ABCA8: variants seen among roughly 807,000 people sequenced by gnomAD.
ABCA8 encodes the protein ABC-type organic anion transporter ABCA8.
In ABCA8, 177 loss-of-function variants were observed where a neutral mutation model predicts 192.3. The ratio of observed to expected loss-of-function variants is 0.92; its 90% CI spans 0.81 to 1.04. The LOEUF (loss-of-function observed/expected upper bound fraction) is 1.04, where lower values mean the gene tolerates loss of function less well. Among genes scored for constraint, ABCA8 ranks in the 50% least tolerant of loss-of-function variants. The probability of loss-of-function intolerance (pLI) is 0.00; values close to 1 mark genes in which losing one functional copy is unlikely to be tolerated. For synonymous variants in ABCA8, 642 were observed against 690.2 expected, an observed-to-expected ratio of 0.93 and a Z score of 1.09; for missense variants, 1,915 against 1,904.8, an observed-to-expected ratio of 1.01 and a Z score of -0.10.
At chr17:68,874,485 A>T (rs1341764105) in intron 37 of ABCA8, among the ~76,000 whole-genome samples, 1 of 152,198 alleles carries the variant, frequency 6.6e-6, no homozygotes, top group African/African-American at 2.4e-5. Context: ...ATTTCACAAG[A>T]CATCATTACA....
chr17:68,874,382 C>T (rs183052822), intron 37 of ABCA8, among the ~76,000 whole-genome samples: 23 of 152,262 alleles, frequency 1.5e-4, no homozygotes, highest in African/African-American at 5.1e-4. Flanking sequence ...AATTCAGCAC[C>T]AAATAAGGTA....
intron 5 of ABCA8, among the ~76,000 whole-genome samples, 179 bp from the exon 6 acceptor site, chr17:68,933,450 A>G (rs2067967596): frequency 6.6e-6 from 1 of 152,200 alleles, no homozygotes; most frequent in South Asian, 2.1e-4. Flanking sequence ...AAAATGAATC[A>G]GGCAGAATCA....
chr17:68,877,301 G>A, intron 33 of ABCA8: 1 of 400,360 alleles, frequency 2.5e-6, no homozygotes, highest in East Asian at 4.0e-5. Context: ...TTAGAGGCAT[G>A]AGCCACTGCG....
rs2067425391 is a variant in ABCA8 at position 68,918,084 on chromosome 17, GA to G, written c.2009del (p.Phe670SerfsTer24). ...KERKTDRVIL[F>X]STQFMDEADI... ...CGGCCTCATCCATGAACTGGGTACT[GA>G]AGAGGATCACGCGGTCTGTTTTGCG... On this transcript the variant is annotated frameshift_variant, in exon 16 of 40. Coordinates refer to ENST00000586539, the MANE Select transcript of ABCA8 (RefSeq NM_001288985.2). LOFTEE classifies it high-confidence loss of function. 2 of 1,614,200 alleles carry G rather than the reference GA, an allele frequency of 1.2e-6. No individual in the cohort carries two copies. Among genetic ancestry groups the G allele is most frequent in the Non-Finnish European group, 1.7e-6 (2 of 1,180,032 alleles).
chr17:68,902,839 C>G lies in ABCA8; in HGVS notation c.2638G>C (p.Glu880Gln). 1 of 1,613,282 alleles carries G rather than the reference C, an allele frequency of 6.2e-7. No individual in the cohort carries two copies. The highest frequency in any genetic ancestry group is 8.5e-7 in the Non-Finnish European group (1 of 1,179,720). Reference protein sequence around the residue: ...LMAGFCPLLVEYTMVKIYQNS... With the variant: ...LMAGFCPLLVQYTMVKIYQNS... Reference sequence around the variant, plus strand: ...TGATATATTTTCACCATGGTATACTCCACAAGAAGAGGGCAAAATCCAGCC... The same window carrying G: ...TGATATATTTTCACCATGGTATACTGCACAAGAAGAGGGCAAAATCCAGCC... The change falls in exon 21 of 40, where the codon GAG becomes CAG. Residue 880 changes from glutamate (E) to glutamine (Q), a missense_variant. By Grantham distance (29) the Glu-to-Gln change is conservative. Coordinates refer to ENST00000586539, the MANE Select transcript of ABCA8 (RefSeq NM_001288985.2).
At chr17:68,930,191 T>G (rs2067822497) in intron 7 of ABCA8, among the ~76,000 whole-genome samples, 1 of 152,156 alleles carries the variant, frequency 6.6e-6, no homozygotes, top group South Asian at 2.1e-4. Context: ...AGCCCCTCAG[T>G]GAACCTCAGA....
At chr17:68,903,150 CCT>C in intron 20 of ABCA8, 149 bp downstream of exon 20, 1 of 864,470 alleles carries the variant, frequency 1.2e-6, no homozygotes, top group Non-Finnish European at 1.7e-6. Context: ...CAAGATTCTG[CCT>C]CTCTCCTGTG....
At chr17:68,874,693 T>G (rs1348159748) in intron 37 of ABCA8, among the ~76,000 whole-genome samples, 1 of 152,204 alleles carries the variant, frequency 6.6e-6, no homozygotes, top group Non-Finnish European at 1.5e-5. Context: ...AACTCCTAAA[T>G]TATCTATCAT....
chr17:68,954,803 A>G (rs1296894914), intron 1 of ABCA8, among the ~76,000 whole-genome samples: 4 of 152,172 alleles, frequency 2.6e-5, no homozygotes, highest in Admixed American at 2.6e-4. Flanking sequence ...AGTCAGAAGA[A>G]CACTTATCCA....
At chr17:68,900,026 A>T (rs935393611) in intron 21 of ABCA8, among the ~76,000 whole-genome samples, 1 of 152,148 alleles carries the variant, frequency 6.6e-6, no homozygotes, top group East Asian at 1.9e-4. Flanking sequence ...CAGTGAGTGA[A>T]ACTTCTGTGT....
rs1474364928 is a variant in ABCA8, at chr17:68,876,620, G to T, written c.4275+8C>A. 6.2e-7 allele frequency: 1 copy of T among 1,614,022 alleles called. No homozygotes were observed. The highest frequency in any genetic ancestry group is 8.5e-7 in the Non-Finnish European group (1 of 1,180,012). ...CACTTGCAGAGCAACACCAAGCCCT[G>T]CCCGTACCTTTCTCTTTATTCCCTC... On this transcript the variant is annotated splice_region_variant and intron_variant, in intron 34 of 39. Transcript: ENST00000586539.
intron 10 of ABCA8, among the ~76,000 whole-genome samples, chr17:68,926,089 T>G (rs971918434): frequency 6.6e-6 from 1 of 152,210 alleles, no homozygotes; most frequent in Non-Finnish European, 1.5e-5. Flanking sequence ...ATATGTGATA[T>G]AACTTGATAA....
chr17:68,927,819 T>C, intron 10 of ABCA8, 97 bp downstream of exon 10: 3 of 979,854 alleles, frequency 3.1e-6, no homozygotes, highest in Non-Finnish European at 2.9e-6. Flanking sequence ...ATACACAAAA[T>C]AGTTCTTAAA....
At chr17:68,898,147 AAGGAAGCC>A (rs1290398929) in intron 21 of ABCA8, among the ~76,000 whole-genome samples, 1 of 152,164 alleles carries the variant, frequency 6.6e-6, no homozygotes, top group Non-Finnish European at 1.5e-5. Flanking sequence ...ATCAGAAACA[AAGGAAGCC>A]AGAACACAGT....
chr17:68,883,999 C>T (rs998444891), intron 28 of ABCA8, 117 bp from the exon 29 acceptor site: 1 of 706,320 alleles, frequency 1.4e-6, no homozygotes, highest in African/African-American at 1.9e-5. Flanking sequence ...TAATTACAAA[C>T]TCCTAATAAC....
Position 68,875,726 on chromosome 17 carries a change from T to G in ABCA8, c.4378A>C (p.Ile1460Leu). The G allele has an allele frequency of 6.2e-7, 1 of 1,613,484 alleles. No homozygotes were observed. Among genetic ancestry groups the G allele is most frequent in the Non-Finnish European group, 8.5e-7 (1 of 1,179,780 alleles). Residue 1460 changes from isoleucine (I) to leucine (L), a missense_variant, in exon 36 of 40, where the codon ATC becomes CTC. Coordinates refer to ENST00000586539, the MANE Select transcript of ABCA8 (RefSeq NM_001288985.2). Reference sequence around the variant, plus strand: ...TCCGTGTTTCTAAAGGTGGCCCGGATGGCCTGCCTATAATGTCAAGAGATT... The same window carrying G: ...TCCGTGTTTCTAAAGGTGGCCCGGAGGGCCTGCCTATAATGTCAAGAGATT... ...PEGQQQMWQAIRATFRNTERG... is the reference protein window; with the variant it reads ...PEGQQQMWQALRATFRNTERG...
At position 68,876,609 on chromosome 17, in the gene ABCA8, C is replaced by T; in HGVS notation, c.4275+19G>A. ...CCCATCTATGGCACTTGCAGAGCAA[C>T]ACCAAGCCCTGCCCGTACCTTTCTC... is the stretch of plus-strand genomic sequence containing the variant. On this transcript the variant is annotated intron_variant, in intron 34 of 39. Coordinates refer to ENST00000586539, the MANE Select transcript of ABCA8 (RefSeq NM_001288985.2). 6.2e-7 allele frequency: 1 copy of T among 1,614,136 alleles called. No homozygotes were observed.
intron 19 of ABCA8, among the ~76,000 whole-genome samples, chr17:68,903,739 G>C (rs897508503): frequency 2.0e-5 from 3 of 152,080 alleles, no homozygotes; most frequent in African/African-American, 7.2e-5. Flanking sequence ...AAGATAAATA[G>C]GCAAGGTCAT....
intron 9 of ABCA8, 99 bp downstream of exon 9, chr17:68,928,950 G>T: frequency 9.7e-7 from 1 of 1,030,608 alleles, no homozygotes; most frequent in Non-Finnish European, 1.3e-6. Flanking sequence ...AGAATTTTAA[G>T]CCTTACAATG....
Sources: allele counts gnomAD v4.1 joint callset (sites outside exome capture counted in the v4.1 genomes callset), GRCh38; gene constraint gnomAD v4.1.1; transcripts MANE v1.5; gene names NCBI Gene and HGNC (gene_info 2026-07-23, HGNC 2026-07-21).